The following STON2 variants were observed in gnomAD, a reference collection of about 807,000 sequenced individuals.
STON2 encodes stonin 2, also known as stonin-2.
STON2 carries 29 observed loss-of-function variants against 65.7 expected under a neutral mutation model. The ratio of observed to expected loss-of-function variants is 0.44; its 90% CI spans 0.33 to 0.60. STON2 has a LOEUF of 0.60. Among genes scored for constraint, STON2 ranks in the 20% least tolerant of loss-of-function variants. The probability of loss-of-function intolerance (pLI) is 0.03; values close to 1 mark genes in which losing one functional copy is unlikely to be tolerated. For synonymous variants in STON2, 404 were observed against 414.2 expected (o/e 0.98, Z 0.30); for missense variants, 1,054 against 1,118.1 (o/e 0.94, Z 0.82).
At chr14:81,423,469 C>T (rs1283780899) in intron 2 of STON2, among the ~76,000 whole-genome samples, 3 of 152,168 alleles carry the variant, frequency 2.0e-5, no homozygotes, top group Admixed American at 6.5e-5. Context: ...GCTCAAGTTG[C>T]TTTCGGGCCT....
chr14:81,298,053 A>G (rs918775095), intron 5 of STON2, among the ~76,000 whole-genome samples: 1 of 152,192 alleles, frequency 6.6e-6, no homozygotes, highest in Non-Finnish European at 1.5e-5. Flanking sequence ...AAAAATAATA[A>G]TAACTGATAT....
At position 81,267,716 on chromosome 14, in the gene STON2, T is replaced by G; in HGVS notation, c.*698A>C. On this transcript the variant is annotated 3_prime_UTR_variant, in exon 8 of 8. Coordinates refer to ENST00000614646, the MANE Select transcript of STON2 (RefSeq NM_001394390.1). Reference sequence around the variant, plus strand: ...ACCCATTTTGCAGAATGTGGGTCCATTCACAAAATTAAAAAGTCTCCTATT... The same window carrying G: ...ACCCATTTTGCAGAATGTGGGTCCAGTCACAAAATTAAAAAGTCTCCTATT... The G allele has an allele frequency of 1.0e-6, 1 of 985,418 alleles. No individual in the cohort carries two copies. The highest frequency in any genetic ancestry group is 4.7e-5 in the South Asian group (1 of 21,292). The allele number at this position is 985,418 out of a possible 1,614,324, so 61.0% of individuals were successfully genotyped here. A position where few individuals can be genotyped will look rare whatever the true frequency, so the allele number is the denominator to read the frequency against.
intron 2 of STON2, among the ~76,000 whole-genome samples, chr14:81,405,682 T>G (rs927502551): frequency 6.6e-6 from 1 of 152,126 alleles, no homozygotes; most frequent in Admixed American, 6.5e-5. Context: ...TTTACTTCAT[T>G]GGATTAATTT....
intron 7 of STON2, chr14:81,269,288 G>A: frequency 2.0e-6 from 2 of 983,374 alleles, no homozygotes; most frequent in Non-Finnish European, 2.4e-6. Context: ...TTACAGCCAT[G>A]AGCCACAGCA....
rs141221444 is a variant in STON2, at chr14:81,277,773, T to C, written c.1709A>G (p.Gln570Arg). The C allele has an allele frequency of 2.5e-6, 4 of 1,614,064 alleles. No individual in the cohort carries two copies. The highest frequency in any genetic ancestry group is 3.4e-6 in the Non-Finnish European group (4 of 1,180,034). ...RVTYKEKKKYQPKPAVAHTAE... is the reference protein window; with the variant it reads ...RVTYKEKKKYRPKPAVAHTAE... The stretch of plus-strand genomic sequence containing the variant: ...TGTGTGGGCCACAGCAGGTTTGGGC[T>C]GGTATTTCTTCTTCTCTTTATAGGT... Residue 570 changes from glutamine to arginine, a missense_variant, in exon 6 of 8, where the codon CAG becomes CGG. Gln to Arg is a conservative substitution (Grantham distance 43). Transcript: ENST00000614646.
chr14:81,386,423 A>G (rs968714119), intron 3 of STON2, among the ~76,000 whole-genome samples: 2 of 151,836 alleles, frequency 1.3e-5, no homozygotes. Flanking sequence ...GAAGCCTCTC[A>G]GCTGTCACCC....
At chr14:81,389,625 C>T (rs531233016) in intron 3 of STON2, among the ~76,000 whole-genome samples, 4 of 152,332 alleles carry the variant, frequency 2.6e-5, no homozygotes, top group Non-Finnish European at 5.9e-5. Context: ...AAACTGGCCA[C>T]TACTTGGCCC....
chr14:81,399,204 G>T (rs533252711), intron 1 of STON2, among the ~76,000 whole-genome samples: 48 of 152,310 alleles, frequency 3.2e-4, no homozygotes, highest in Non-Finnish European at 6.0e-4. Context: ...AGTTACAATG[G>T]TCTAGCCTTT....
intron 2 of STON2, among the ~76,000 whole-genome samples, chr14:81,416,097 C>A (rs530917502): frequency 6.7e-4 from 102 of 152,270 alleles, no homozygotes; most frequent in African/African-American, 2.4e-3. Flanking sequence ...CCAAGTCCCC[C>A]GTTGTTAACT....
chr14:81,269,519 T>C (rs1276081522), intron 7 of STON2: 26 of 985,276 alleles, frequency 2.6e-5, no homozygotes, highest in Non-Finnish European at 3.0e-5. Flanking sequence ...TCAGCACCAC[T>C]CTGGATATTT....
chr14:81,357,637 C>G (rs1898301673), intron 4 of STON2, among the ~76,000 whole-genome samples: 1 of 151,966 alleles, frequency 6.6e-6, no homozygotes, highest in Non-Finnish European at 1.5e-5. Flanking sequence ...TGGAACCAAC[C>G]CAAATGTCCA....
chr14:81,357,883 T>C (rs1416849416), intron 4 of STON2, among the ~76,000 whole-genome samples: 1 of 113,210 alleles, frequency 8.8e-6, no homozygotes, highest in East Asian at 2.8e-4. Context: ...CTCTGGGAAC[T>C]GTTGTGGGGT....
At chr14:81,338,964 G>A (rs763338324) in intron 4 of STON2, among the ~76,000 whole-genome samples, 10 of 152,240 alleles carry the variant, frequency 6.6e-5, no homozygotes, top group Middle Eastern at 3.4e-3. Flanking sequence ...GCAAAGAAAC[G>A]CCATAAACCA....
At chr14:81,361,292 G>A (rs1898483053) in intron 4 of STON2, among the ~76,000 whole-genome samples, 1 of 152,096 alleles carries the variant, frequency 6.6e-6, no homozygotes, top group Non-Finnish European at 1.5e-5. Flanking sequence ...CATGATACTA[G>A]CATAAAAAGA....
chr14:81,423,373 T>C (rs145690971), intron 2 of STON2, among the ~76,000 whole-genome samples: 68 of 152,322 alleles, frequency 4.5e-4, no homozygotes, highest in African/African-American at 1.5e-3. Context: ...AATTATAATT[T>C]AAGGCACTTC....
intron 1 of STON2, among the ~76,000 whole-genome samples, chr14:81,427,689 T>C (rs1356779080): frequency 1.4e-5 from 2 of 147,250 alleles, no homozygotes; most frequent in Non-Finnish European, 3.0e-5. Context: ...TTAGAGATCA[T>C]AACAAAAAGA....
At chr14:81,374,710 T>C (rs1899170595) in intron 3 of STON2, among the ~76,000 whole-genome samples, 1 of 151,380 alleles carries the variant, frequency 6.6e-6, no homozygotes, top group South Asian at 2.1e-4. Flanking sequence ...AAGATGAAAA[T>C]ATGAAAGAGA....
Position 81,261,686 on chromosome 14 carries a change from T to TCATC in STON2, c.*6724_*6727dup. 1 of 1,160,412 alleles carries TCATC rather than the reference T, an allele frequency of 8.6e-7. No homozygotes were observed. The highest frequency in any genetic ancestry group is 1.1e-6 in the Non-Finnish European group (1 of 880,228). The allele number at this position is 1,160,412 out of a possible 1,614,324, so 71.9% of individuals were successfully genotyped here. On this transcript the variant is annotated 3_prime_UTR_variant, in exon 8 of 8. Transcript: ENST00000614646. ...TATATATACCTCATTGATTATCCTATCATCCCCAGTACTTGGAGGGTTAGA... is the reference window on the plus strand; with the variant it reads ...TATATATACCTCATTGATTATCCTATCATCCATCCCCAGTACTTGGAGGGTTAGA...
At chr14:81,344,106 GC>G (rs1342389196) in intron 4 of STON2, among the ~76,000 whole-genome samples, 1 of 152,026 alleles carries the variant, frequency 6.6e-6, no homozygotes, top group East Asian at 1.9e-4. Flanking sequence ...AAACAAGCCA[GC>G]CCCTAGCCCC....
Sources: allele counts gnomAD v4.1 joint callset (sites outside exome capture counted in the v4.1 genomes callset), GRCh38; gene constraint gnomAD v4.1.1; transcripts MANE v1.5; gene names NCBI Gene and HGNC (gene_info 2026-07-23, HGNC 2026-07-21).